Variants in EYS observed in about 807,000 individuals in gnomAD.
The protein encoded by EYS is protein eyes shut homolog.
Under a neutral mutation model 282.1 loss-of-function variants are expected in EYS, and 250 were observed. The observed-to-expected ratio is 0.89, with a 90% CI of 0.80 to 0.98. The LOEUF (loss-of-function observed/expected upper bound fraction) is 0.98, where lower values mean the gene tolerates loss of function less well. EYS is among the 50% of genes least tolerant of loss of function. EYS has a pLI of 0.00. For missense variants in EYS, 4,016 were observed against 3,709.0 expected, an observed-to-expected ratio of 1.08 and a Z score of -2.15; for synonymous variants, 1,355 against 1,282.9, an observed-to-expected ratio of 1.06 and a Z score of -1.20.
At chr6:64,396,748 ACT>A (rs921854222) in intron 28 of EYS, among the ~76,000 whole-genome samples, 3 of 151,614 alleles carry the variant, frequency 2.0e-5, no homozygotes, top group Admixed American at 1.3e-4. Flanking sequence ...CTGTTTCTAG[ACT>A]CTCTTTTCTG....
intron 28 of EYS, among the ~76,000 whole-genome samples, chr6:64,412,033 T>A (rs1001366188): frequency 1.9e-5 from 2 of 106,660 alleles, no homozygotes; most frequent in African/African-American, 6.3e-5. Context: ...GAGGAATGAA[T>A]TGATATCCAA....
intron 35 of EYS, among the ~76,000 whole-genome samples, chr6:63,912,263 C>T (rs531546317): frequency 1.3e-5 from 2 of 152,186 alleles, no homozygotes; most frequent in African/African-American, 2.4e-5. Flanking sequence ...TCACTGGCTA[C>T]CCTGATGGCT....
intron 31 of EYS, among the ~76,000 whole-genome samples, chr6:64,219,377 C>G (rs1433010808): frequency 6.6e-6 from 1 of 152,170 alleles, no homozygotes; most frequent in African/African-American, 2.4e-5. Flanking sequence ...TAGAACATTT[C>G]AATAGTCAGT....
chr6:64,636,963 GA>G (rs1768005203), intron 22 of EYS, among the ~76,000 whole-genome samples: 18 of 130,404 alleles, frequency 1.4e-4, no homozygotes, highest in South Asian at 2.9e-4. Flanking sequence ...AGGATATGGA[GA>G]AATAGGAACA....
rs550657997 is a variant in EYS, at chr6:65,666,724, C to T, written c.-447-26832G>A. 2.6e-5 allele frequency among the ~76,000 whole-genome samples: 4 copies of T among 151,374 alleles called. 1 individual carries two copies. The highest frequency in any genetic ancestry group is 9.7e-5 in the African/African-American group (4 of 41,444). ...ATATAGAATTGCTGGGTTCATGAGA[C>T]TATAGAAACCATATGTGAAAATAAA... On this transcript the variant is annotated intron_variant, in intron 1 of 42. Transcript: ENST00000503581.
intron 29 of EYS, among the ~76,000 whole-genome samples, chr6:64,323,385 A>T (rs1770289896): frequency 6.6e-6 from 1 of 152,130 alleles, no homozygotes; most frequent in African/African-American, 2.4e-5. Context: ...ATAACATTCC[A>T]TTGCATGGAT....
intron 36 of EYS, among the ~76,000 whole-genome samples, chr6:63,835,366 C>T (rs1361021203): frequency 6.6e-6 from 1 of 151,060 alleles, no homozygotes; most frequent in Non-Finnish European, 1.5e-5. Flanking sequence ...CACACACACA[C>T]ATACAATGGA....
At chr6:63,972,662 G>A (rs1766640473) in intron 35 of EYS, among the ~76,000 whole-genome samples, 1 of 151,958 alleles carries the variant, frequency 6.6e-6, no homozygotes, top group South Asian at 2.1e-4. Flanking sequence ...TCTACGTCAT[G>A]TATTTCTCTT....
At chr6:64,967,152 T>C (rs1334452527) in intron 14 of EYS, among the ~76,000 whole-genome samples, 1 of 150,858 alleles carries the variant, frequency 6.6e-6, no homozygotes, top group Non-Finnish European at 1.5e-5. Flanking sequence ...AATCTGCCTG[T>C]CTCTAACCAT....
intron 30 of EYS, among the ~76,000 whole-genome samples, chr6:64,232,241 G>A (rs1334670897): frequency 1.3e-5 from 2 of 152,104 alleles, no homozygotes; most frequent in African/African-American, 4.8e-5. Flanking sequence ...CAATCTACAT[G>A]AAGGATGGTG....
intron 12 of EYS, among the ~76,000 whole-genome samples, chr6:65,128,747 A>G (rs1775786988): frequency 6.6e-6 from 1 of 152,040 alleles, no homozygotes; most frequent in South Asian, 2.1e-4. Context: ...GCCCAAAGCA[A>G]TGTACAGATT....
At chr6:64,757,258 A>C (rs376301288) in intron 22 of EYS, among the ~76,000 whole-genome samples, 1 of 152,166 alleles carries the variant, frequency 6.6e-6, no homozygotes, top group African/African-American at 2.4e-5. Flanking sequence ...CTGAAAAGTT[A>C]GTCCTGTTGA....
intron 22 of EYS, among the ~76,000 whole-genome samples, chr6:64,661,554 C>G (rs1583011477): frequency 6.6e-6 from 1 of 151,680 alleles, no homozygotes; most frequent in Admixed American, 6.6e-5. Context: ...AAAAACAACC[C>G]CATCAAAAAT....
intron 36 of EYS, among the ~76,000 whole-genome samples, chr6:63,835,302 C>T (rs893060660): frequency 6.7e-6 from 1 of 150,342 alleles, no homozygotes; most frequent in Non-Finnish European, 1.5e-5. Context: ...TATATACATA[C>T]ATATATACTC....
chr6:65,387,460 T>C (rs960288759), intron 7 of EYS, among the ~76,000 whole-genome samples: 2 of 151,842 alleles, frequency 1.3e-5, no homozygotes, highest in Non-Finnish European at 2.9e-5. Context: ...TTCAAAATAT[T>C]AAGAAAAGCC....
chr6:64,613,059 C>G (rs1767160957), intron 24 of EYS, among the ~76,000 whole-genome samples: 1 of 152,114 alleles, frequency 6.6e-6, no homozygotes, highest in Non-Finnish European at 1.5e-5. Flanking sequence ...AAACATATTT[C>G]AATTATTTGA....
At chr6:65,306,863 G>GAAAT (rs1769025494) in intron 11 of EYS, among the ~76,000 whole-genome samples, 1 of 73,568 alleles carries the variant, frequency 1.4e-5, no homozygotes, top group Non-Finnish European at 2.8e-5. Context: ...AAAAAAAAAA[G>GAAAT]AAAGTCTAGA....
chr6:63,926,814 TA>T (rs1764729516), intron 35 of EYS, among the ~76,000 whole-genome samples: 1 of 152,236 alleles, frequency 6.6e-6, no homozygotes. Flanking sequence ...TCATTACTAT[TA>T]CGTACAAATT....
chr6:63,849,278 TTCCTGCCTGCTGGC>T (rs1772180786), intron 36 of EYS, among the ~76,000 whole-genome samples: 1 of 152,020 alleles, frequency 6.6e-6, no homozygotes, highest in African/African-American at 2.4e-5. Flanking sequence ...TACTTAAAGG[TTCCTGCCTGCTGGC>T]TCTGAAGAGA....
Sources: gnomAD v4.1 joint callset for allele counts (sites outside exome capture counted in the v4.1 genomes callset) on GRCh38, gnomAD v4.1.1 for gene constraint, MANE v1.5 for transcripts, NCBI Gene and HGNC (gene_info 2026-07-23, HGNC 2026-07-21) for gene names.